The following F2 variants were observed in gnomAD, a reference collection of about 807,000 sequenced individuals.
F2 encodes the protein prothrombin.
F2 carries 34 observed loss-of-function variants against 81.9 expected under a neutral mutation model. That is an observed-to-expected ratio of 0.42 (90% CI 0.32 to 0.55). F2 has a LOEUF of 0.55. Ranked by LOEUF, F2 falls within the 20% of genes least tolerant of loss-of-function variation. The pLI is 0.18. For missense variants in F2, 630 were observed against 833.4 expected (o/e 0.76, Z 3.00); for synonymous variants, 296 against 326.4 (o/e 0.91, Z 1.01).
chr11:46,720,922 C>T, intron 4 of F2, 82 bp downstream of exon 4: 11 of 1,488,590 alleles, frequency 7.4e-6, no homozygotes, highest in Non-Finnish European at 9.4e-6. Flanking sequence ...TGGAGTGTGG[C>T]TGGTGGAGGC....
rs908799676 is a variant in F2 at position 46,726,442 on chromosome 11, G to A, written c.875-56G>A. 6.3e-7 allele frequency: 1 copy of A among 1,589,466 alleles called. No individual in the cohort carries two copies. Among genetic ancestry groups the A allele is most frequent in the African/African-American group, 1.3e-5 (1 of 74,398 alleles). ...CCCGTAGGGGAATTGGGGGGATCTAGGGGATGGGTGAGGAATGGCCCAGCC... is the reference window on the plus strand; with the variant it reads ...CCCGTAGGGGAATTGGGGGGATCTAAGGGATGGGTGAGGAATGGCCCAGCC... On this transcript the variant is annotated intron_variant, in intron 7 of 13. Transcript: ENST00000311907. The surrounding 1 kb of genome is among the most constrained non-coding windows in gnomAD (Gnocchi z 5.9).
chr11:46,732,143 T>C (rs3136483), intron 12 of F2, among the ~76,000 whole-genome samples: 5,681 of 151,954 alleles, frequency 0.037, 366 homozygotes, highest in African/African-American at 0.13. Flanking sequence ...CTCGAACTCC[T>C]GACCTTGTGA....
At position 46,731,918 on chromosome 11, in the gene F2, T is replaced by TG. The variant is rs1365338523; in HGVS notation, c.1654+2357_1654+2358insG. Among the ~76,000 whole-genome samples the TG allele has an allele frequency of 7.9e-4, 100 of 126,658 alleles. 1 individual carries two copies. Among genetic ancestry groups the TG allele is most frequent in the African/African-American group, 1.1e-3 (39 of 36,056 alleles). 83.1% of individuals were successfully genotyped at this position (126,658 alleles called of 152,430 possible). ...GGTAAAGAGACACTTTGATGTTTTT[T>TG]TTTTTTTTTTTTTTTTGTGATGGAG... is the stretch of plus-strand genomic sequence containing the variant. On this transcript the variant is annotated intron_variant, in intron 12 of 13. Transcript: ENST00000311907.
At position 46,723,041 on chromosome 11, in the gene F2, C is replaced by T; in HGVS notation, c.317-139C>T. On this transcript the variant is annotated intron_variant, in intron 4 of 13. Coordinates refer to ENST00000311907, the MANE Select transcript of F2 (RefSeq NM_000506.5). This position sits in a 1 kb window ranked among gnomAD's most constrained non-coding sequence, Gnocchi z 5.6. ...GAGTGAATGGGAGAACTGCTGGTTG[C>T]AGAGGAAGAGGGGCTGGGTGAATGC... The T allele has an allele frequency of 1.3e-6, 1 of 796,952 alleles. No homozygotes were observed. Among genetic ancestry groups the T allele is most frequent in the African/African-American group, 1.7e-5 (1 of 59,614 alleles). The allele number at this position is 796,952 out of a possible 1,614,324, so 49.4% of individuals were successfully genotyped here.
chr11:46,721,518 TC>T (rs1426274393), intron 4 of F2, among the ~76,000 whole-genome samples: 2 of 152,184 alleles, frequency 1.3e-5, no homozygotes, highest in Non-Finnish European at 2.9e-5. Context: ...CCAAGGTGTT[TC>T]TAGCACCTGG....
chr11:46,738,202 C>T (rs541019097), intron 12 of F2, among the ~76,000 whole-genome samples: 6 of 151,800 alleles, frequency 4.0e-5, no homozygotes, highest in East Asian at 1.9e-4. Context: ...GGTTTCACCA[C>T]GTTGGCCAGG....
chr11:46,726,318 C>T lies in F2; in HGVS notation c.874+145C>T. The T allele has an allele frequency of 3.5e-6, 5 of 1,428,334 alleles. No individual in the cohort carries two copies. Among genetic ancestry groups the T allele is most frequent in the Non-Finnish European group, 4.8e-6 (5 of 1,047,924 alleles). 88.5% of individuals were successfully genotyped at this position (1,428,334 alleles called of 1,614,324 possible). Reference sequence around the variant, plus strand: ...ACCAGGTGGGGGGTAAGGTCCTGTGCCCATTTCACAGATAAGTACACTGAG... The same window carrying T: ...ACCAGGTGGGGGGTAAGGTCCTGTGTCCATTTCACAGATAAGTACACTGAG... On this transcript the variant is annotated intron_variant, in intron 7 of 13. Coordinates refer to ENST00000311907, the MANE Select transcript of F2 (RefSeq NM_000506.5). The surrounding 1 kb of genome is among the most constrained non-coding windows in gnomAD (Gnocchi z 5.9).
At position 46,726,848 on chromosome 11, in the gene F2, G is replaced by A. The variant is rs759180971; in HGVS notation, c.1130+11G>A. The A allele has an allele frequency of 2.5e-5, 41 of 1,613,512 alleles. No individual in the cohort carries two copies. The highest frequency in any genetic ancestry group is 3.3e-5 in the Non-Finnish European group (39 of 1,179,580). Reference sequence around the variant, plus strand: ...CGGCATGTCACCTTGGTGTGTCCTGGAGCCCTGCGCTACCATTCACTCCTG... The same window carrying A: ...CGGCATGTCACCTTGGTGTGTCCTGAAGCCCTGCGCTACCATTCACTCCTG... On this transcript the variant is annotated intron_variant, in intron 9 of 13. Transcript: ENST00000311907. The surrounding 1 kb of genome is among the most constrained non-coding windows in gnomAD (Gnocchi z 5.9).
chr11:46,731,560 T>A (rs891075774), intron 12 of F2, among the ~76,000 whole-genome samples: 1 of 144,156 alleles, frequency 6.9e-6, no homozygotes, highest in East Asian at 1.9e-4. Context: ...GTCTTGCTAA[T>A]GTCTTTTATA....
Position 46,723,538 on chromosome 11 carries a change from G to T in F2, c.559+20G>T, listed in dbSNP as rs3136454. Reference sequence around the variant, plus strand: ...TCTGTGGTAAGCTGGGGGCAGTGGGGCGGCCCATGGCCAAGGCCCGGGGGC... The same window carrying T: ...TCTGTGGTAAGCTGGGGGCAGTGGGTCGGCCCATGGCCAAGGCCCGGGGGC... On this transcript the variant is annotated intron_variant, in intron 6 of 13. Transcript: ENST00000311907. The surrounding 1 kb of genome is among the most constrained non-coding windows in gnomAD (Gnocchi z 5.6). 357 of 1,599,034 alleles carry T rather than the reference G, an allele frequency of 2.2e-4. 2 individuals carry two copies. In the African/African-American group the frequency reaches 4.3e-3, roughly 19 times the overall value.
chr11:46,721,272 G>C (rs2064834599), intron 4 of F2, among the ~76,000 whole-genome samples: 1 of 152,120 alleles, frequency 6.6e-6, no homozygotes, highest in Non-Finnish European at 1.5e-5. Context: ...TTGAACTCCT[G>C]ACCTCGTGAT....
Position 46,729,599 on chromosome 11 carries a change from C to T in F2, c.1654+38C>T, listed in dbSNP as rs374721021. On this transcript the variant is annotated intron_variant, in intron 12 of 13. Coordinates refer to ENST00000311907, the MANE Select transcript of F2 (RefSeq NM_000506.5). ...AGGGCGGGCTGAGGGAACAGTGGGG[C>T]CCAAGCTGGGAGAACTGAGTTGTGC... is the stretch of plus-strand genomic sequence containing the variant. 23 of 1,596,108 alleles carry T rather than the reference C, an allele frequency of 1.4e-5. No homozygotes were observed. In the African/African-American group the frequency reaches 2.1e-4, roughly 15 times the overall value.
intron 12 of F2, among the ~76,000 whole-genome samples, chr11:46,734,077 C>A (rs535006636): frequency 6.6e-6 from 1 of 151,514 alleles, no homozygotes; most frequent in Non-Finnish European, 1.5e-5. Flanking sequence ...TGAGCCACCA[C>A]GCCTGGCCTA....
At position 46,726,549 on chromosome 11, in the gene F2, G is replaced by A. The variant is rs759637884; in HGVS notation, c.926G>A (p.Arg309Lys). 41 of 1,613,946 alleles carry A rather than the reference G, an allele frequency of 2.5e-5. No homozygotes were observed. Among genetic ancestry groups the A allele is most frequent in the Non-Finnish European group, 3.4e-5 (40 of 1,179,942 alleles). ...TGDGLDEDSD[R>K]AIEGRTATSE... ...GATGGGCTGGATGAGGACTCAGACAGGGCCATCGAAGGGCGTACCGCCACC... is the reference window on the plus strand; with the variant it reads ...GATGGGCTGGATGAGGACTCAGACAAGGCCATCGAAGGGCGTACCGCCACC... Residue 309 changes from arginine to lysine, a missense_variant, in exon 8 of 14, where the codon AGG (arginine) becomes AAG (lysine). Arg to Lys is a conservative substitution (Grantham distance 26). Coordinates refer to ENST00000311907, the MANE Select transcript of F2 (RefSeq NM_000506.5). This position sits in a 1 kb window ranked among gnomAD's most constrained non-coding sequence, Gnocchi z 5.9.
At chr11:46,720,461 A>AT in intron 2 of F2, 62 bp from the exon 3 acceptor site, 1 of 1,599,982 alleles carries the variant, frequency 6.3e-7, no homozygotes, top group Non-Finnish European at 8.6e-7. Context: ...GAGACATAAC[A>AT]TTTACTAAAA....
At chr11:46,733,560 A>AT (rs1019273602) in intron 12 of F2, among the ~76,000 whole-genome samples, 19 of 152,002 alleles carry the variant, frequency 1.2e-4, no homozygotes, top group African/African-American at 4.3e-4. Flanking sequence ...CATGTATGTC[A>AT]TTTTTTAGAG....
chr11:46,725,738 A>G (rs2064867371), intron 6 of F2, 121 bp from the exon 7 acceptor site: 1 of 1,120,702 alleles, frequency 8.9e-7, no homozygotes, highest in Admixed American at 1.7e-5. Context: ...AAGCCCAGAG[A>G]GGTTAAGTAA....
chr11:46,730,801 C>CATATATATATATAT (rs1555157927), intron 12 of F2, among the ~76,000 whole-genome samples: 6 of 135,598 alleles, frequency 4.4e-5, no homozygotes, highest in Non-Finnish European at 1.0e-4. Context: ...TATATATATG[C>CATATATATATATAT]ATAGTTTGAG....
At chr11:46,727,908 T>C (rs2064885535) in intron 9 of F2, 88 bp from the exon 10 acceptor site, 3 of 1,473,288 alleles carry the variant, frequency 2.0e-6, no homozygotes, top group South Asian at 2.5e-5. Context: ...CCAGCTGGGT[T>C]CTTAGACCTG....
Sources: allele counts gnomAD v4.1 joint callset (sites outside exome capture counted in the v4.1 genomes callset), GRCh38; gene constraint gnomAD v4.1.1; non-coding constraint Gnocchi (gnomAD v3.1); transcripts MANE v1.5; gene names NCBI Gene and HGNC (gene_info 2026-07-23, HGNC 2026-07-21).